PPFIBP2: variants seen among roughly 807,000 people sequenced by gnomAD.
PPFIBP2 encodes the protein PPFIB scaffold protein 2.
PPFIBP2 carries 118 observed loss-of-function variants against 118.3 expected under a neutral mutation model. The observed-to-expected ratio is 1.00, with a 90% CI of 0.86 to 1.16. PPFIBP2 has a LOEUF of 1.16. Among genes scored for constraint, PPFIBP2 ranks in the 50% most tolerant of loss-of-function variants. The pLI, the probability that PPFIBP2 is intolerant of heterozygous loss-of-function variation, is 0.00. For missense variants in PPFIBP2, 1,195 were observed against 1,073.1 expected, an observed-to-expected ratio of 1.11 and a Z score of -1.59; for synonymous variants, 414 against 397.4, an observed-to-expected ratio of 1.04 and a Z score of -0.50.
intron 15 of PPFIBP2, 31 bp from the exon 16 acceptor site, chr11:7,641,448 A>T (rs1445685950): frequency 1.2e-6 from 2 of 1,612,272 alleles, no homozygotes; most frequent in South Asian, 1.1e-5. Context: ...ACATCCTTAC[A>T]TTCACATTCA....
chr11:7,656,897 C>T (rs928544118), downstream of PPFIBP2: 24 of 923,268 alleles, frequency 2.6e-5, no homozygotes, highest in Middle Eastern at 1.3e-3. Flanking sequence ...CAAGCCCAGT[C>T]CGGGCTGGCA....
At chr11:7,654,751 T>C (rs1007906448), downstream of PPFIBP2, among the ~76,000 whole-genome samples, 1 of 152,234 alleles carries the variant, frequency 6.6e-6, no homozygotes, top group African/African-American at 2.4e-5. Context: ...CAGGGATCTC[T>C]GCATGTGCCT....
intron 1 of PPFIBP2, among the ~76,000 whole-genome samples, chr11:7,538,601 C>T (rs1851457470): frequency 6.6e-6 from 1 of 152,172 alleles, no homozygotes; most frequent in Admixed American, 6.5e-5. Flanking sequence ...AGGACTTGGG[C>T]TGTGTCTTCA....
At chr11:7,666,605 G>A in the PPFIBP2 span, 9 of 1,320,196 alleles carry the variant, frequency 6.8e-6, no homozygotes, top group South Asian at 7.3e-5. Context: ...CTTGTTCCCT[G>A]GACTGACTAC....
chr11:7,519,905 A>T (rs1849589093), intron 1 of PPFIBP2, among the ~76,000 whole-genome samples: 1 of 152,238 alleles, frequency 6.6e-6, no homozygotes, highest in Middle Eastern at 3.4e-3. Context: ...TTCCCGGGGA[A>T]GCTTACCAGT....
intron 1 of PPFIBP2, among the ~76,000 whole-genome samples, chr11:7,532,225 C>CT (rs56863303): frequency 0.45 from 68,067 of 152,016 alleles, 15,751 homozygotes; most frequent in African/African-American, 0.54. Flanking sequence ...ATCTGCTCTG[C>CT]TTTTAAGTAC....
chr11:7,648,344 G>C, intron 17 of PPFIBP2, 43 bp from the exon 18 acceptor site: 2 of 1,569,986 alleles, frequency 1.3e-6, no homozygotes, highest in East Asian at 2.3e-5. Flanking sequence ...CAGAACCTCA[G>C]GCTCTCCCAC....
rs1590832065 is a variant in PPFIBP2, at chr11:7,653,454, C to T, written c.*236C>T. The T allele has an allele frequency of 6.7e-7, 1 of 1,499,632 alleles. No homozygotes were observed. Among genetic ancestry groups the T allele is most frequent in the African/African-American group, 1.4e-5 (1 of 72,590 alleles). The allele number at this position is 1,499,632 out of a possible 1,614,324, so 92.9% of individuals were successfully genotyped here. A position where few individuals can be genotyped will look rare whatever the true frequency, so the allele number is the denominator to read the frequency against. ...AAAGGTGGACTCAGGAGGAAAGACA[C>T]TTAAAGACACTTTTACATGTCTAGT... On this transcript the variant is annotated 3_prime_UTR_variant, in exon 24 of 24. Coordinates refer to ENST00000299492, the MANE Select transcript of PPFIBP2 (RefSeq NM_003621.5).
intron 15 of PPFIBP2, chr11:7,640,973 G>C (rs1041981279): frequency 1.7e-6 from 2 of 1,193,558 alleles, no homozygotes; most frequent in Non-Finnish European, 1.1e-6. Context: ...ACTCTGTTGG[G>C]CTGGACTTTG....
At chr11:7,628,234 T>C (rs1850281993) in intron 8 of PPFIBP2, 51 bp from the exon 9 acceptor site, 2 of 1,494,402 alleles carry the variant, frequency 1.3e-6, no homozygotes, top group Non-Finnish European at 1.9e-6. Context: ...CAAGTGCGGA[T>C]AGCTGTCTGT....
intron 1 of PPFIBP2, among the ~76,000 whole-genome samples, chr11:7,527,639 T>A (rs1399422664): frequency 6.6e-6 from 1 of 152,082 alleles, no homozygotes; most frequent in Non-Finnish European, 1.5e-5. Context: ...CAGTTAATAT[T>A]CAGAGAAAGA....
intron 5 of PPFIBP2, among the ~76,000 whole-genome samples, chr11:7,609,745 A>T (rs772159257): frequency 3.9e-5 from 6 of 152,212 alleles, no homozygotes; most frequent in Non-Finnish European, 7.3e-5. Context: ...GGAAAGATCC[A>T]TCTCACATAA....
intron 8 of PPFIBP2, among the ~76,000 whole-genome samples, chr11:7,626,209 ACT>A (rs149108504): frequency 1.2e-4 from 19 of 152,230 alleles, no homozygotes; most frequent in East Asian, 5.8e-4. Flanking sequence ...GAAATACCTA[ACT>A]CTTTCATTTG....
chr11:7,541,249 A>G (rs1378386995), intron 1 of PPFIBP2, among the ~76,000 whole-genome samples: 1 of 152,250 alleles, frequency 6.6e-6, no homozygotes, highest in Non-Finnish European at 1.5e-5. Context: ...GTTCTGATTA[A>G]CAGCAAAGTT....
chr11:7,641,333 G>A, intron 15 of PPFIBP2, 146 bp from the exon 16 acceptor site: 1 of 916,738 alleles, frequency 1.1e-6, no homozygotes, highest in Non-Finnish European at 1.6e-6. Flanking sequence ...ACTAGTCTCT[G>A]GGATCTTGGT....
chr11:7,579,013 C>G (rs976735502), intron 3 of PPFIBP2, among the ~76,000 whole-genome samples: 12 of 150,252 alleles, frequency 8.0e-5, no homozygotes, highest in Non-Finnish European at 1.5e-4. Flanking sequence ...TGCTGGGGGA[C>G]TTGTAGCAGG....
intron 17 of PPFIBP2, among the ~76,000 whole-genome samples, chr11:7,647,337 T>C (rs1418418573): frequency 3.3e-5 from 5 of 152,228 alleles, no homozygotes; most frequent in African/African-American, 1.2e-4. Context: ...ATTCACACTT[T>C]AAATGAAAAA....
chr11:7,516,585 C>T (rs535798113), intron 1 of PPFIBP2, among the ~76,000 whole-genome samples: 44 of 152,172 alleles, frequency 2.9e-4, no homozygotes, highest in African/African-American at 9.4e-4. Flanking sequence ...TTTTAACGAG[C>T]GCCTGGGTGC....
chr11:7,554,928 A>G (rs1327123879), intron 2 of PPFIBP2, among the ~76,000 whole-genome samples: 1 of 152,150 alleles, frequency 6.6e-6, no homozygotes, highest in Non-Finnish European at 1.5e-5. Flanking sequence ...CTAATATGAA[A>G]GACCATTATT....
Sources: gnomAD v4.1 joint callset for allele counts (sites outside exome capture counted in the v4.1 genomes callset) on GRCh38, gnomAD v4.1.1 for gene constraint, MANE v1.5 for transcripts, NCBI Gene and HGNC (gene_info 2026-07-23, HGNC 2026-07-21) for gene names.